Variants in GOLPH3L observed in about 807,000 individuals in gnomAD.
The protein encoded by GOLPH3L is golgi phosphoprotein 3 like.
A neutral mutation model predicts 30.3 loss-of-function variants in GOLPH3L; 22 were observed. That is an observed-to-expected ratio of 0.73 (90% confidence interval 0.52 to 1.04). GOLPH3L has a LOEUF of 1.04. Among genes scored for constraint, GOLPH3L ranks in the 50% least tolerant of loss-of-function variants. The pLI, the probability that GOLPH3L is intolerant of heterozygous loss-of-function variation, is 0.00. For synonymous variants in GOLPH3L, 120 were observed against 128.2 expected (o/e 0.94, Z 0.43); for missense variants, 303 against 345.8 (o/e 0.88, Z 0.98).
Position 150,648,518 on chromosome 1 carries a change from G to A in GOLPH3L, c.661C>T (p.Arg221Ter), listed in dbSNP as rs759093294. The change falls in exon 5 of 5, where the codon CGA becomes TGA. Residue 221 changes from arginine to a stop codon, truncating the protein, a stop_gained. Transcript: ENST00000271732. LOFTEE classifies it high-confidence loss of function. ...GCTAGCACCAGGAGTGCTAGTGTTC[G>A]CTTGTCCATACGCTGAGGGTCATTT... ...WVNDPQRMDK[R>*]TLALLVLAHS... 1.1e-5 allele frequency: 18 copies of A among 1,613,562 alleles called. No individual in the cohort carries two copies. The highest frequency in any genetic ancestry group is 6.7e-5 in the African/African-American group (5 of 74,878).
At chr1:150,677,612 T>C (rs923804068) in intron 2 of GOLPH3L, among the ~76,000 whole-genome samples, 25 of 151,318 alleles carry the variant, frequency 1.7e-4, no homozygotes, top group African/African-American at 6.1e-4. Flanking sequence ...AAACAATTAC[T>C]AAACTTCAAA....
chr1:150,675,763 AAG>A (rs1650760431), intron 2 of GOLPH3L, among the ~76,000 whole-genome samples: 1 of 125,536 alleles, frequency 8.0e-6, no homozygotes, highest in Admixed American at 9.4e-5. Context: ...GCGACAGAGT[AAG>A]AGAGACTCTG....
Position 150,694,754 on chromosome 1 carries a change from AAT to A in GOLPH3L, c.83_84del (p.Asn28MetfsTer8). ...TCTTCATTGTCTGGACTTTTCTCCC[AAT>A]TACTGTCTTCCTCACTTTCCATCTT... ...EKKMESEEDSNWEKSPDNEDS... is the reference protein window; with the variant it reads ...EKKMESEEDSXWEKSPDNEDS... On this transcript the variant is annotated frameshift_variant, in exon 2 of 5. Transcript: ENST00000271732. LOFTEE classifies it high-confidence loss of function. The A allele has an allele frequency of 6.2e-7, 1 of 1,611,118 alleles. No individual in the cohort carries two copies. The highest frequency in any genetic ancestry group is 1.1e-5 in the South Asian group (1 of 91,014).
chr1:150,694,533 C>T, intron 2 of GOLPH3L, 123 bp downstream of exon 2: 2 of 592,058 alleles, frequency 3.4e-6, no homozygotes. Flanking sequence ...CCTCCATCTT[C>T]CAGATGGTTA....
intron 2 of GOLPH3L, among the ~76,000 whole-genome samples, chr1:150,668,391 T>G (rs1176613557): frequency 6.6e-6 from 1 of 152,138 alleles, no homozygotes. Context: ...TTTGGTTTTG[T>G]TTTTGTTTGG....
chr1:150,661,373 G>A (rs1462318843), intron 4 of GOLPH3L, among the ~76,000 whole-genome samples: 2 of 152,040 alleles, frequency 1.3e-5, no homozygotes, highest in Non-Finnish European at 2.9e-5. Context: ...TTGTCCGTGC[G>A]TGTTCACAGC....
chr1:150,648,504 G>A lies in GOLPH3L; in HGVS notation c.675C>T (p.Leu225=), dbSNP rs587681875. 6 of 1,612,290 alleles carry A rather than the reference G, an allele frequency of 3.7e-6. No homozygotes were observed. In the South Asian group the frequency reaches 4.4e-5, roughly 12 times the overall value. The change falls in exon 5 of 5, where the codon CTC becomes CTT. Residue 225 remains leucine, a synonymous_variant. Coordinates refer to ENST00000271732, the MANE Select transcript of GOLPH3L (RefSeq NM_018178.6). ...CATCAGAGGAGTGGGCTAGCACCAG[G>A]AGTGCTAGTGTTCGCTTGTCCATAC... is the stretch of plus-strand genomic sequence containing the variant. ...PQRMDKRTLA[L]LVLAHSSDVL... is the part of the protein sequence containing the mutation.
chr1:150,672,609 T>G (rs1179518753), intron 2 of GOLPH3L, among the ~76,000 whole-genome samples: 1 of 152,164 alleles, frequency 6.6e-6, no homozygotes, highest in East Asian at 1.9e-4. Context: ...TTTTGTATTT[T>G]TAGTAGAGAC....
At chr1:150,677,878 G>A (rs587717609) in intron 2 of GOLPH3L, among the ~76,000 whole-genome samples, 2 of 151,304 alleles carry the variant, frequency 1.3e-5, no homozygotes, top group African/African-American at 4.8e-5. Flanking sequence ...CTCCCACCTT[G>A]GCCTCCCAAA....
chr1:150,676,934 C>G (rs912617761), intron 2 of GOLPH3L, among the ~76,000 whole-genome samples: 6 of 151,936 alleles, frequency 3.9e-5, no homozygotes, highest in Non-Finnish European at 7.4e-5. Context: ...CGTGAGCCAC[C>G]GTGCCCAGCC....
intron 2 of GOLPH3L, among the ~76,000 whole-genome samples, chr1:150,675,713 T>C (rs1571047893): frequency 7.6e-6 from 1 of 131,978 alleles, no homozygotes. Flanking sequence ...GAGGTGGAGG[T>C]TGCAGTGAGC....
At chr1:150,659,398 T>C (rs1279624788) in intron 4 of GOLPH3L, among the ~76,000 whole-genome samples, 1 of 152,232 alleles carries the variant, frequency 6.6e-6, no homozygotes, top group Non-Finnish European at 1.5e-5. Context: ...GGCGGAAAAC[T>C]GCTTAAGGTG....
In GOLPH3L at chr1:150,648,267, G is replaced by T. The variant is rs1194162018; in HGVS notation, c.*54C>A. 3 of 1,214,890 alleles carry T rather than the reference G, an allele frequency of 2.5e-6. No individual in the cohort carries two copies. The African/African-American group carries it at 4.5e-5, about 18-fold the overall frequency. The allele number at this position is 1,214,890 out of a possible 1,614,324, so 75.3% of individuals were successfully genotyped here. Reference sequence around the variant, plus strand: ...CTCATCACACAAAACTCAGTGATGGGGTCTCTGACAGTCACCAGCCAGCAG... The same window carrying T: ...CTCATCACACAAAACTCAGTGATGGTGTCTCTGACAGTCACCAGCCAGCAG... On this transcript the variant is annotated 3_prime_UTR_variant, in exon 5 of 5. Transcript: ENST00000271732.
chr1:150,687,303 C>T (rs753690644), intron 2 of GOLPH3L, among the ~76,000 whole-genome samples: 13 of 152,064 alleles, frequency 8.5e-5, no homozygotes, highest in Admixed American at 4.6e-4. Flanking sequence ...TTGGGCTGGG[C>T]GTGGTGGCTC....
At chr1:150,688,054 G>A (rs1651129687) in intron 2 of GOLPH3L, among the ~76,000 whole-genome samples, 1 of 152,124 alleles carries the variant, frequency 6.6e-6, no homozygotes, top group East Asian at 1.9e-4. Flanking sequence ...TATTGTTTAG[G>A]GATATACATA....
intron 2 of GOLPH3L, among the ~76,000 whole-genome samples, chr1:150,669,109 G>A (rs1268656499): frequency 2.0e-5 from 3 of 151,960 alleles, no homozygotes; most frequent in Non-Finnish European, 4.4e-5. Flanking sequence ...TTAAGAATAT[G>A]CAATAATAGA....
intron 2 of GOLPH3L, among the ~76,000 whole-genome samples, chr1:150,668,917 T>C (rs985996764): frequency 1.3e-5 from 2 of 152,190 alleles, no homozygotes; most frequent in African/African-American, 4.8e-5. Context: ...CATTTCCTCC[T>C]GACCATGTAA....
chr1:150,649,404 TGAC>T (rs1310139870), intron 4 of GOLPH3L, among the ~76,000 whole-genome samples: 1 of 152,186 alleles, frequency 6.6e-6, no homozygotes, highest in East Asian at 1.9e-4. Flanking sequence ...CTGAGAGGAC[TGAC>T]TTTATTTGGA....
intron 1 of GOLPH3L, among the ~76,000 whole-genome samples, chr1:150,696,491 C>G (rs1651358791): frequency 1.3e-5 from 2 of 152,118 alleles, no homozygotes; most frequent in African/African-American, 4.8e-5. Context: ...TTTATATATT[C>G]TCCATAGCAA....
Sources: gnomAD v4.1 joint callset for allele counts (sites outside exome capture counted in the v4.1 genomes callset) on GRCh38, gnomAD v4.1.1 for gene constraint, MANE v1.5 for transcripts, NCBI Gene and HGNC (gene_info 2026-07-23, HGNC 2026-07-21) for gene names.